Variants in AP3B1 observed in about 807,000 individuals in gnomAD.
AP3B1 encodes the protein adaptor related protein complex 3 subunit beta 1.
Under a neutral mutation model 132.5 loss-of-function variants are expected in AP3B1, and 61 were observed. The observed-to-expected ratio is 0.46, with a 90% CI of 0.37 to 0.57. AP3B1 has a LOEUF of 0.57. AP3B1 is among the 20% of genes least tolerant of loss of function. The pLI is 0.00. For missense variants in AP3B1, 1,120 were observed against 1,289.4 expected (o/e 0.87, Z 2.01); for synonymous variants, 388 against 438.3 (o/e 0.89, Z 1.43).
chr5:78,153,545 C>T (rs1203217798), intron 14 of AP3B1, among the ~76,000 whole-genome samples: 1 of 151,904 alleles, frequency 6.6e-6, no homozygotes, highest in East Asian at 1.9e-4. Context: ...AGTCCATTTA[C>T]ATTCAATGTT....
intron 22 of AP3B1, among the ~76,000 whole-genome samples, chr5:78,075,636 A>C (rs1749737258): frequency 3.3e-5 from 5 of 152,230 alleles, no homozygotes; most frequent in Admixed American, 3.3e-4. Flanking sequence ...AAACTGCAGA[A>C]GCTACATTTG....
chr5:78,216,285 C>G (rs1745958628), intron 6 of AP3B1, 48 bp from the exon 7 acceptor site: 7 of 1,543,308 alleles, frequency 4.5e-6, no homozygotes, highest in Non-Finnish European at 5.3e-6. Flanking sequence ...TTCTCCCCTA[C>G]ATCAAAGGTC....
chr5:78,070,277 C>T (rs970902626), intron 22 of AP3B1, among the ~76,000 whole-genome samples: 6 of 151,860 alleles, frequency 4.0e-5, no homozygotes, highest in Non-Finnish European at 7.4e-5. Flanking sequence ...TATCGTGGTG[C>T]ACACCTGTAA....
chr5:78,189,289 T>A (rs892523229), intron 7 of AP3B1, among the ~76,000 whole-genome samples: 1 of 152,134 alleles, frequency 6.6e-6, no homozygotes, highest in African/African-American at 2.4e-5. Flanking sequence ...TTCTATAGTG[T>A]CCTCTATGAA....
At chr5:78,127,480 A>G (rs1752511228) in intron 17 of AP3B1, among the ~76,000 whole-genome samples, 1 of 152,172 alleles carries the variant, frequency 6.6e-6, no homozygotes, top group African/African-American at 2.4e-5. Context: ...GAAAAAGAGT[A>G]TTTATATAGC....
At position 78,260,622 on chromosome 5, in the gene AP3B1, A is replaced by G. The variant is rs557122278; in HGVS notation, c.204+6898T>C. 5.0e-4 allele frequency among the ~76,000 whole-genome samples: 76 copies of G among 152,148 alleles called. No homozygotes were observed. In the South Asian group the frequency reaches 9.1e-3, roughly 18 times the overall value. On this transcript the variant is annotated intron_variant, in intron 2 of 26. Coordinates refer to ENST00000255194, the MANE Select transcript of AP3B1 (RefSeq NM_003664.5). ...AATAAAAAATAGAAAATAAAAAAAG[A>G]ATGAGGAGGAATGTAAGTTTAAAAA... is the stretch of plus-strand genomic sequence containing the variant.
chr5:78,096,973 T>C lies in AP3B1; in HGVS notation c.2470+3980A>G, dbSNP rs1175169454. Among the ~76,000 whole-genome samples, 206 of 75,254 alleles carry C rather than the reference T, an allele frequency of 2.7e-3. 1 individual carries two copies. Among genetic ancestry groups the C allele is most frequent in the East Asian group, 7.9e-3 (19 of 2,392 alleles). The allele number at this position is 75,254 out of a possible 152,430, so 49.4% of individuals were successfully genotyped here. On this transcript the variant is annotated intron_variant, in intron 21 of 26. Coordinates refer to ENST00000255194, the MANE Select transcript of AP3B1 (RefSeq NM_003664.5). ...GCCGCCCCTACTGGGAAGTGAGGAGTCCCTCTGCCCGGCCAGCCGCCCTGT... is the reference window on the plus strand; with the variant it reads ...GCCGCCCCTACTGGGAAGTGAGGAGCCCCTCTGCCCGGCCAGCCGCCCTGT...
rs985305613 is a variant in AP3B1, at chr5:78,187,880, C to T, written c.787-6218G>A. Among the ~76,000 whole-genome samples, 55 of 152,156 alleles carry T rather than the reference C, an allele frequency of 3.6e-4. 1 individual carries two copies. The highest frequency in any genetic ancestry group is 2.9e-5 in the Non-Finnish European group (2 of 68,016). On this transcript the variant is annotated intron_variant, in intron 7 of 26. Transcript: ENST00000255194. ...AAACAGCATGGTACTGGTACAAAAA[C>T]AGTCACATAGACCAATGGAACAGAA...
intron 22 of AP3B1, among the ~76,000 whole-genome samples, chr5:78,062,910 G>A (rs1256571895): frequency 2.6e-5 from 4 of 152,138 alleles, no homozygotes; most frequent in Non-Finnish European, 5.9e-5. Flanking sequence ...AAATTATGAT[G>A]GGCCCCACTC....
intron 22 of AP3B1, among the ~76,000 whole-genome samples, chr5:78,054,513 A>AC (rs1363184092): frequency 6.6e-6 from 1 of 152,094 alleles, no homozygotes; most frequent in Non-Finnish European, 1.5e-5. Flanking sequence ...GATTTCGTCA[A>AC]GACAGAATTA....
At chr5:78,080,818 T>C (rs1749967013) in intron 22 of AP3B1, among the ~76,000 whole-genome samples, 1 of 152,158 alleles carries the variant, frequency 6.6e-6, no homozygotes. Flanking sequence ...GTTAATACAA[T>C]CAATGGTATG....
chr5:78,101,825 A>G (rs1301653497), intron 20 of AP3B1, among the ~76,000 whole-genome samples: 1 of 152,100 alleles, frequency 6.6e-6, no homozygotes, highest in Non-Finnish European at 1.5e-5. Context: ...TATTAAGTGC[A>G]TTACAAACAA....
At chr5:78,021,395 T>C (rs1251128518) in intron 24 of AP3B1, among the ~76,000 whole-genome samples, 1 of 152,122 alleles carries the variant, frequency 6.6e-6, no homozygotes, top group African/African-American at 2.4e-5. Flanking sequence ...TGACAGGATA[T>C]GAAGAATTTA....
At chr5:78,043,555 T>C in intron 22 of AP3B1, 1 of 437,144 alleles carries the variant, frequency 2.3e-6, no homozygotes, top group South Asian at 2.0e-5. Context: ...TCACTACTTC[T>C]TTGACCTTCC....
rs558287121 is a variant in AP3B1, at chr5:78,014,687, C to T, written c.3131+723G>A. 9.2e-5 allele frequency among the ~76,000 whole-genome samples: 14 copies of T among 151,634 alleles called. 1 individual carries two copies. The South Asian group carries it at 2.9e-3, about 32-fold the overall frequency. On this transcript the variant is annotated intron_variant, in intron 26 of 26. Transcript: ENST00000255194. ...GATATTTTTAATGGCAGAAGTATGCCTGCCATGAGATGGTTTGCAACGAAT... is the reference window on the plus strand; with the variant it reads ...GATATTTTTAATGGCAGAAGTATGCTTGCCATGAGATGGTTTGCAACGAAT...
chr5:78,171,798 G>C (rs1743929816), intron 11 of AP3B1, among the ~76,000 whole-genome samples: 1 of 152,062 alleles, frequency 6.6e-6, no homozygotes, highest in African/African-American at 2.4e-5. Context: ...GGTGAGAGAG[G>C]GCATAATTGT....
chr5:78,071,815 T>C (rs1749554761), intron 22 of AP3B1, among the ~76,000 whole-genome samples: 1 of 152,210 alleles, frequency 6.6e-6, no homozygotes, highest in Non-Finnish European at 1.5e-5. Flanking sequence ...ACCCTTCCCC[T>C]ATGCTGATGA....
chr5:78,281,745 G>A (rs778699381), intron 1 of AP3B1, among the ~76,000 whole-genome samples: 1 of 152,232 alleles, frequency 6.6e-6, no homozygotes, highest in East Asian at 1.9e-4. Context: ...GGAGAGAGGA[G>A]AAAATAGGGA....
intron 22 of AP3B1, among the ~76,000 whole-genome samples, chr5:78,076,560 AAGGAGATAACTC>A (rs1749775921): frequency 6.6e-6 from 1 of 152,196 alleles, no homozygotes. Context: ...AGCTTATGCT[AAGGAGATAACTC>A]AGGATAAGGC....
Sources: gnomAD v4.1 joint callset for allele counts (sites outside exome capture counted in the v4.1 genomes callset) on GRCh38, gnomAD v4.1.1 for gene constraint, MANE v1.5 for transcripts, NCBI Gene and HGNC (gene_info 2026-07-23, HGNC 2026-07-21) for gene names.